The following ENTPD6 variants were observed in gnomAD, a reference collection of about 807,000 sequenced individuals.
The protein encoded by ENTPD6 is ectonucleoside triphosphate diphosphohydrolase 6.
ENTPD6 carries 46 observed loss-of-function variants against 61.5 expected under a neutral mutation model. The ratio of observed to expected loss-of-function variants is 0.75; its 90% CI spans 0.59 to 0.96. The LOEUF (loss-of-function observed/expected upper bound fraction) is 0.96, where lower values mean the gene tolerates loss of function less well. Ranked by LOEUF, ENTPD6 falls within the 40% of genes least tolerant of loss-of-function variation. ENTPD6 has a pLI of 0.00. For synonymous variants in ENTPD6, 252 were observed against 255.5 expected (o/e 0.99, Z 0.13); for missense variants, 612 against 629.0 (o/e 0.97, Z 0.29).
chr20:25,216,603 G>A (rs576350394), intron 7 of ENTPD6, 45 bp from the exon 8 acceptor site: 153 of 1,457,906 alleles, frequency 1.0e-4, no homozygotes, highest in Middle Eastern at 1.7e-4. Flanking sequence ...CTGTTCTCGC[G>A]ATCTTACTAA....
Position 25,208,756 on chromosome 20 carries a change from T to A in ENTPD6, c.377-1093T>A, listed in dbSNP as rs375434924. Among the ~76,000 whole-genome samples the A allele has an allele frequency of 9.8e-5, 15 of 152,342 alleles. No homozygotes were observed. In the East Asian group the frequency reaches 2.9e-3, roughly 29 times the overall value. On this transcript the variant is annotated intron_variant, in intron 3 of 14. Transcript: ENST00000376652. ...CTTGAGAACCCTTTAATAAATTCATTTCAGAATCAAGGAAATGGTGTTCCT... is the reference window on the plus strand; with the variant it reads ...CTTGAGAACCCTTTAATAAATTCATATCAGAATCAAGGAAATGGTGTTCCT...
At chr20:25,222,231 G>C (rs533014319) in intron 11 of ENTPD6, 3 of 153,640 alleles carry the variant, frequency 2.0e-5, no homozygotes, top group Admixed American at 6.5e-5. Context: ...TGAGATCGAA[G>C]GGTTGGAGCA....
At chr20:25,217,324 C>T (rs1341866007) in intron 8 of ENTPD6, among the ~76,000 whole-genome samples, 178 bp from the exon 9 acceptor site, 2 of 152,132 alleles carry the variant, frequency 1.3e-5, no homozygotes. Flanking sequence ...AAGCACCGTT[C>T]TTCACTGGGA....
intron 1 of ENTPD6, among the ~76,000 whole-genome samples, chr20:25,202,651 A>G (rs2091138596): frequency 6.6e-6 from 1 of 152,260 alleles, no homozygotes; most frequent in Non-Finnish European, 1.5e-5. Flanking sequence ...AGTCAGACAC[A>G]GTAACCTCTC....
At chr20:25,196,938 A>T (rs976130679) in intron 1 of ENTPD6, among the ~76,000 whole-genome samples, 2 of 152,100 alleles carry the variant, frequency 1.3e-5, no homozygotes, top group Non-Finnish European at 2.9e-5. Flanking sequence ...CCTTTGTGTC[A>T]GGAGATCTGG....
chr20:25,222,804 G>A lies in ENTPD6; in HGVS notation c.1046-34G>A, dbSNP rs370202768. The A allele has an allele frequency of 6.2e-6, 10 of 1,609,424 alleles. 1 individual carries two copies. In the South Asian group the frequency reaches 6.6e-5, roughly 11 times the overall value. On this transcript the variant is annotated intron_variant, in intron 11 of 14. Coordinates refer to ENST00000376652, the MANE Select transcript of ENTPD6 (RefSeq NM_001247.5). ...CAGCTGTGAGGCCTGGGTGCTCGGA[G>A]CCCACTGACCGCTAGCCTTGTGCTT...
chr20:25,206,316 C>A (rs1415737215), intron 1 of ENTPD6, among the ~76,000 whole-genome samples: 1 of 152,236 alleles, frequency 6.6e-6, no homozygotes, highest in Non-Finnish European at 1.5e-5. Flanking sequence ...GTTGGGGGCC[C>A]TAGAGTCGGC....
Position 25,221,219 on chromosome 20 carries a change from ATC to A in ENTPD6, c.944-9_944-8del. ...TACCTTCCTTTCTCTTTCCTTTTTA[ATC>A]TCTGTTTCAGCTAAGGATGGAAAGG... On this transcript the variant is annotated splice_polypyrimidine_tract_variant and intron_variant, in intron 10 of 14. Coordinates refer to ENST00000376652, the MANE Select transcript of ENTPD6 (RefSeq NM_001247.5). The A allele has an allele frequency of 1.2e-6, 2 of 1,603,728 alleles. No homozygotes were observed. The highest frequency in any genetic ancestry group is 1.7e-6 in the Non-Finnish European group (2 of 1,171,808).
At chr20:25,213,212 C>A (rs2092095789) in intron 4 of ENTPD6, 51 bp from the exon 5 acceptor site, 14 of 1,610,476 alleles carry the variant, frequency 8.7e-6, no homozygotes, top group African/African-American at 1.3e-5. Context: ...GCACGTGTGA[C>A]CCTGTATGCT....
chr20:25,201,578 A>G (rs767917424), intron 1 of ENTPD6, among the ~76,000 whole-genome samples: 1 of 151,974 alleles, frequency 6.6e-6, no homozygotes, highest in Non-Finnish European at 1.5e-5. Context: ...TGGTACAGCA[A>G]CCCCTGCTCT....
chr20:25,221,579 G>C (rs574993505), intron 11 of ENTPD6: 82 of 535,422 alleles, frequency 1.5e-4, no homozygotes, highest in African/African-American at 1.4e-3. Flanking sequence ...TTCCTCCTGA[G>C]GGCTGATTTC....
At position 25,221,351 on chromosome 20, in the gene ENTPD6, G is replaced by C; in HGVS notation, c.1045+18G>C. 1.2e-6 allele frequency: 2 copies of C among 1,600,326 alleles called. No individual in the cohort carries two copies. The highest frequency in any genetic ancestry group is 1.7e-6 in the Non-Finnish European group (2 of 1,167,604). ...GAAAGCAGGTACGGGGAGGGTTGCT[G>C]CCTGTTGGTTTCTGCGGGTGAGAGT... On this transcript the variant is annotated intron_variant, in intron 11 of 14. Transcript: ENST00000376652.
In ENTPD6 at chr20:25,198,966, C is replaced by T. The variant is rs906562289; in HGVS notation, c.-16+3099C>T. On this transcript the variant is annotated intron_variant, in intron 1 of 14. Transcript: ENST00000376652. ...TGGCCCCTTCCCAGATGACCTGTTT[C>T]AGTTCATGGCCATCACCCAGTCCTG... Among the ~76,000 whole-genome samples the T allele has an allele frequency of 4.6e-5, 7 of 152,344 alleles. No homozygotes were observed. The South Asian group carries it at 1.5e-3, about 32-fold the overall frequency.
At chr20:25,210,026 C>A in intron 4 of ENTPD6, 101 bp downstream of exon 4, 1 of 1,068,252 alleles carries the variant, frequency 9.4e-7, no homozygotes, top group Non-Finnish European at 1.4e-6. Flanking sequence ...AGGAAGGGGG[C>A]TTTGACAGTG....
chr20:25,197,003 C>CG, intron 1 of ENTPD6: 1 of 742,040 alleles, frequency 1.3e-6, no homozygotes, highest in Non-Finnish European at 1.6e-6. Context: ...GTGGTGTTGA[C>CG]GGGCGGTTCA....
chr20:25,208,378 G>A lies in ENTPD6; in HGVS notation c.376+981G>A, dbSNP rs1419067838. ...GGAGAATCGCTTGAACCTGGTAGGC[G>A]GAGTTTGCAGTGAGCCAAGATCACA... On this transcript the variant is annotated intron_variant, in intron 3 of 14. Transcript: ENST00000376652. Among the ~76,000 whole-genome samples the A allele has an allele frequency of 2.0e-5, 3 of 152,140 alleles. No homozygotes were observed. In the East Asian group the frequency reaches 5.8e-4, roughly 29 times the overall value.
chr20:25,208,457 T>A (rs895455517), intron 3 of ENTPD6, among the ~76,000 whole-genome samples: 1 of 151,102 alleles, frequency 6.6e-6, no homozygotes, highest in Non-Finnish European at 1.5e-5. Context: ...AAAAAATTTT[T>A]TTTTAAGTGG....
rs141795146 is a variant in ENTPD6, at chr20:25,206,647, G to A, written c.54+57G>A. ...GGACGGAGTTTAAACCTTTCGAAAA[G>A]TAAATTGCCTGAATAGAAGTATAAC... On this transcript the variant is annotated intron_variant, in intron 2 of 14. Coordinates refer to ENST00000376652, the MANE Select transcript of ENTPD6 (RefSeq NM_001247.5). The A allele has an allele frequency of 6.7e-4, 838 of 1,250,786 alleles. 11 individuals carry two copies. In the East Asian group the frequency reaches 0.018, roughly 27 times the overall value. 77.5% of individuals were successfully genotyped at this position (1,250,786 alleles called of 1,614,324 possible). A position where few individuals can be genotyped will look rare whatever the true frequency, so the allele number is the denominator to read the frequency against.
At chr20:25,197,469 A>G (rs2122311820) in intron 1 of ENTPD6, among the ~76,000 whole-genome samples, 1 of 152,304 alleles carries the variant, frequency 6.6e-6, no homozygotes, top group Non-Finnish European at 1.5e-5. Flanking sequence ...TCCTTTAAAG[A>G]ACAGACTGAG....
Sources: gnomAD v4.1 joint callset for allele counts (sites outside exome capture counted in the v4.1 genomes callset) on GRCh38, gnomAD v4.1.1 for gene constraint, MANE v1.5 for transcripts, NCBI Gene and HGNC (gene_info 2026-07-23, HGNC 2026-07-21) for gene names.